The following HYDIN variants were observed in gnomAD, a reference collection of about 807,000 sequenced individuals.
The protein encoded by HYDIN is axonemal central pair apparatus protein HYDIN.
A neutral mutation model predicts 403.9 loss-of-function variants in HYDIN; 132 were observed. The observed-to-expected ratio is 0.33, with a 90% CI of 0.28 to 0.38. The LOEUF (loss-of-function observed/expected upper bound fraction) is 0.38. Ranked by LOEUF, HYDIN falls within the 10% of genes least tolerant of loss-of-function variation. The pLI is 1.00. For missense variants in HYDIN, 2,827 were observed against 5,009.5 expected, an observed-to-expected ratio of 0.56 and a Z score of 13.15; for synonymous variants, 1,202 against 1,891.7, an observed-to-expected ratio of 0.64 and a Z score of 9.46.
chr16:70,960,758 C>T (rs113349360), intron 38 of HYDIN, among the ~76,000 whole-genome samples: 117 of 152,324 alleles, frequency 7.7e-4, no homozygotes, highest in Admixed American at 2.0e-3. Context: ...ATGGCACAAT[C>T]TTGGCTCACT....
intron 75 of HYDIN, among the ~76,000 whole-genome samples, chr16:70,845,993 C>T (rs1042924705): frequency 6.6e-6 from 1 of 151,192 alleles, no homozygotes; most frequent in African/African-American, 2.4e-5. Context: ...AAAAAACCAG[C>T]TCCTGGATTC....
intron 7 of HYDIN, among the ~76,000 whole-genome samples, chr16:71,149,809 T>C (rs1301777716): frequency 6.6e-6 from 1 of 152,082 alleles, no homozygotes; most frequent in Non-Finnish European, 1.5e-5. Context: ...ATTACAGGTG[T>C]GAGCCACCGC....
chr16:71,189,361 G>A (rs1174231146), intron 1 of HYDIN, among the ~76,000 whole-genome samples: 3 of 152,024 alleles, frequency 2.0e-5, no homozygotes, highest in Non-Finnish European at 2.9e-5. Flanking sequence ...AAAAAGAAAC[G>A]GGAAAATCAA....
At chr16:70,945,729 T>G (rs1450761057) in intron 41 of HYDIN, among the ~76,000 whole-genome samples, 15 of 152,140 alleles carry the variant, frequency 9.9e-5, no homozygotes, top group Non-Finnish European at 4.4e-5. Context: ...AGAAAGCGTT[T>G]CCAAGAGGAG....
Position 70,833,954 on chromosome 16 carries a change from G to T in HYDIN, c.13612C>A (p.Pro4538Thr). The T allele has an allele frequency of 6.2e-7, 1 of 1,613,434 alleles. No homozygotes were observed. The highest frequency in any genetic ancestry group is 8.5e-7 in the Non-Finnish European group (1 of 1,179,762). ...SLDQEHIPFGPVVYQTQATRR... is the reference protein window; with the variant it reads ...SLDQEHIPFGTVVYQTQATRR... ...GTGGCTTGCGTCTGATACACCACGG[G>T]TCCAAAGGGAATATGTTCCTGGTCC... Residue 4538 changes from proline (P) to threonine (T), a missense_variant, in exon 79 of 86, where the codon CCC becomes ACC. By Grantham distance (38) the Pro-to-Thr change is conservative. Transcript: ENST00000393567.
chr16:70,946,256 C>A (rs1182411111), intron 41 of HYDIN, among the ~76,000 whole-genome samples: 1 of 142,438 alleles, frequency 7.0e-6, no homozygotes, highest in African/African-American at 2.6e-5. Context: ...AAGATGAGGT[C>A]ATTGTCTTCT....
intron 9 of HYDIN, among the ~76,000 whole-genome samples, chr16:71,118,755 G>A (rs1386754783): frequency 6.6e-6 from 1 of 151,874 alleles, no homozygotes; most frequent in East Asian, 1.9e-4. Flanking sequence ...TTAGTGATAT[G>A]CAGTGTTAGA....
At chr16:70,945,162 A>ATTCC (rs1356329536) in intron 41 of HYDIN, among the ~76,000 whole-genome samples, 1 of 152,216 alleles carries the variant, frequency 6.6e-6, no homozygotes. Flanking sequence ...AGGGATGAGG[A>ATTCC]TGGTGGTGGT....
intron 84 of HYDIN, among the ~76,000 whole-genome samples, chr16:70,813,565 C>T (rs1275136011): frequency 6.6e-6 from 1 of 151,730 alleles, no homozygotes; most frequent in Non-Finnish European, 1.5e-5. Flanking sequence ...TCAGAAACTG[C>T]GCAGACAGTA....
intron 3 of HYDIN, among the ~76,000 whole-genome samples, chr16:71,180,939 A>C (rs1280979465): frequency 6.6e-6 from 1 of 152,082 alleles, no homozygotes; most frequent in East Asian, 1.9e-4. Flanking sequence ...ACATTTAGGA[A>C]ATGAAATTTA....
At chr16:70,931,208 C>CTTTTTTTTT (rs2077313550) in intron 45 of HYDIN, among the ~76,000 whole-genome samples, 8 of 78,190 alleles carry the variant, frequency 1.0e-4, no homozygotes, top group Admixed American at 1.3e-4. Context: ...TCTCTTTCTT[C>CTTTTTTTTT]TGTTTTTTTT....
intron 18 of HYDIN, among the ~76,000 whole-genome samples, chr16:71,050,499 G>C (rs1178679273): frequency 5.3e-5 from 8 of 152,060 alleles, no homozygotes; most frequent in Non-Finnish European, 1.2e-4. Flanking sequence ...ACTAGTGAGT[G>C]ATACAGAATA....
intron 20 of HYDIN, among the ~76,000 whole-genome samples, chr16:71,026,112 C>T (rs1195786730): frequency 6.6e-6 from 1 of 152,158 alleles, no homozygotes; most frequent in Admixed American, 6.5e-5. Context: ...GTTGGTCAGG[C>T]TGGTCTCGAA....
intron 1 of HYDIN, among the ~76,000 whole-genome samples, chr16:71,196,862 C>T (rs943944300): frequency 6.6e-6 from 1 of 152,166 alleles, no homozygotes; most frequent in Non-Finnish European, 1.5e-5. Flanking sequence ...CAGGAAGTTA[C>T]CCTATATGGT....
At chr16:71,208,978 G>A (rs2088441439) in intron 1 of HYDIN, among the ~76,000 whole-genome samples, 1 of 152,010 alleles carries the variant, frequency 6.6e-6, no homozygotes, top group Non-Finnish European at 1.5e-5. Context: ...AAAGAAGAAT[G>A]GGTACCATTC....
chr16:70,996,892 C>A, intron 23 of HYDIN, among the ~76,000 whole-genome samples: 1 of 151,618 alleles, frequency 6.6e-6, no homozygotes, highest in Non-Finnish European at 1.5e-5. Flanking sequence ...ATGATTCAAG[C>A]ACATTACACT....
chr16:70,997,025 T>G (rs552445086), intron 23 of HYDIN, among the ~76,000 whole-genome samples: 1 of 150,954 alleles, frequency 6.6e-6, no homozygotes, highest in Non-Finnish European at 1.5e-5. Context: ...GATGGTCCCA[T>G]CAGGGGGTGA....
intron 13 of HYDIN, among the ~76,000 whole-genome samples, chr16:71,076,453 G>GT (rs1433031080): frequency 8.4e-6 from 1 of 119,056 alleles, no homozygotes; most frequent in East Asian, 3.0e-4. Flanking sequence ...GGCGCCACAG[G>GT]TAAGTGGATA....
chr16:70,870,018 T>A (rs9921145), intron 65 of HYDIN, among the ~76,000 whole-genome samples: 4,999 of 151,672 alleles, frequency 0.033, 116 homozygotes, highest in African/African-American at 0.11. Flanking sequence ...CAAAGGTGAC[T>A]CTTGCTATGT....
Sources: gnomAD v4.1 joint callset for allele counts (sites outside exome capture counted in the v4.1 genomes callset) on GRCh38, gnomAD v4.1.1 for gene constraint, MANE v1.5 for transcripts, NCBI Gene and HGNC (gene_info 2026-07-23, HGNC 2026-07-21) for gene names.